The following ASIC2 variants were observed in gnomAD, a reference collection of about 807,000 sequenced individuals.
ASIC2 encodes acid-sensing ion channel 2.
ASIC2 carries 25 observed loss-of-function variants against 57.3 expected under a neutral mutation model. The observed-to-expected ratio is 0.44, with a 90% CI of 0.32 to 0.61. The LOEUF is 0.61. Among genes scored for constraint, ASIC2 ranks in the 20% least tolerant of loss-of-function variants. The pLI is 0.06. For synonymous variants in ASIC2, 319 were observed against 307.5 expected (o/e 1.04, Z -0.39); for missense variants, 641 against 738.1 (o/e 0.87, Z 1.52).
chr17:33,364,674 C>G (rs533999982), intron 1 of ASIC2, among the ~76,000 whole-genome samples: 32 of 152,304 alleles, frequency 2.1e-4, no homozygotes, highest in African/African-American at 6.3e-4. Context: ...TGAGGCCTCC[C>G]CAGCCATGCT....
chr17:33,126,606 G>A (rs1372176075), intron 1 of ASIC2, among the ~76,000 whole-genome samples: 3 of 152,118 alleles, frequency 2.0e-5, no homozygotes, highest in African/African-American at 7.2e-5. Flanking sequence ...ACAAGATGGC[G>A]AGATCCCATC....
chr17:34,112,153 G>C lies in ASIC2; in HGVS notation c.555+43825C>G, dbSNP rs148748125. The stretch of plus-strand genomic sequence containing the variant: ...AGAATAATATATTCAGAATAGAAGA[G>C]ACCAAAATCTGAATGCTATCTCTTC... On this transcript the variant is annotated intron_variant, in intron 1 of 9. Transcript: ENST00000359872. 4.6e-5 allele frequency among the ~76,000 whole-genome samples: 7 copies of C among 152,236 alleles called. No homozygotes were observed. In the East Asian group the frequency reaches 1.4e-3, roughly 29 times the overall value.
At chr17:33,595,935 A>G (rs992672767) in intron 1 of ASIC2, among the ~76,000 whole-genome samples, 2 of 152,154 alleles carry the variant, frequency 1.3e-5, no homozygotes, top group Admixed American at 1.3e-4. Context: ...TGCAAGCTAA[A>G]TAGTTCCTCC....
In ASIC2 at chr17:33,032,440, G is replaced by GTTTTTTTTTT. The variant is rs60183644; in HGVS notation, c.988-4058_988-4049dup. 1.1e-4 allele frequency among the ~76,000 whole-genome samples: 10 copies of GTTTTTTTTTT among 94,116 alleles called. 1 individual carries two copies. Among genetic ancestry groups the GTTTTTTTTTT allele is most frequent in the African/African-American group, 2.3e-4 (5 of 21,324 alleles). The allele number at this position is 94,116 out of a possible 152,430, so 61.7% of individuals were successfully genotyped here. ...TCTGTTATAAGCACTATAATACACTGTTTTTTTTTTTTTTTTTTTTTTTTT... is the reference window on the plus strand; with the variant it reads ...TCTGTTATAAGCACTATAATACACTGTTTTTTTTTTTTTTTTTTTTTTTTTTTTTTTTTTT... On this transcript the variant is annotated intron_variant, in intron 3 of 9. Transcript: ENST00000225823.
chr17:34,015,158 C>T (rs1906906906), intron 1 of ASIC2, among the ~76,000 whole-genome samples: 1 of 150,972 alleles, frequency 6.6e-6, no homozygotes, highest in South Asian at 2.1e-4. Context: ...ATCTATCTGC[C>T]TTGGCCTCCC....
At chr17:33,099,566 TGGAG>T (rs2092202573) in intron 2 of ASIC2, among the ~76,000 whole-genome samples, 1 of 152,190 alleles carries the variant, frequency 6.6e-6, no homozygotes, top group Non-Finnish European at 1.5e-5. Flanking sequence ...GCACCGTGTG[TGGAG>T]TTGGGGGTAG....
chr17:33,021,571 C>A (rs774870978), intron 6 of ASIC2, among the ~76,000 whole-genome samples: 4 of 152,244 alleles, frequency 2.6e-5, no homozygotes, highest in Non-Finnish European at 5.9e-5. Context: ...GCACCCTATG[C>A]AGGAGTCCTG....
At chr17:33,854,104 G>T (rs1035608532) in intron 1 of ASIC2, among the ~76,000 whole-genome samples, 1 of 152,194 alleles carries the variant, frequency 6.6e-6, no homozygotes, top group East Asian at 1.9e-4. Flanking sequence ...ATTGCAGATT[G>T]TCCGCCCCAG....
intron 1 of ASIC2, among the ~76,000 whole-genome samples, chr17:34,124,697 T>C (rs943155568): frequency 3.3e-5 from 5 of 152,226 alleles, no homozygotes; most frequent in African/African-American, 1.2e-4. Flanking sequence ...CAGGCTCTTC[T>C]TGGGGGCCCC....
intron 1 of ASIC2, among the ~76,000 whole-genome samples, chr17:33,620,250 A>C (rs1464158257): frequency 4.6e-5 from 7 of 151,692 alleles, no homozygotes; most frequent in South Asian, 2.1e-4. Context: ...GAAAAAAAAA[A>C]AAAAAAAAAA....
intron 1 of ASIC2, among the ~76,000 whole-genome samples, chr17:33,631,716 G>T (rs953068109): frequency 6.6e-6 from 1 of 152,122 alleles, no homozygotes; most frequent in Admixed American, 6.5e-5. Context: ...GGGAGTCAAA[G>T]TCTGAGAGTC....
intron 1 of ASIC2, among the ~76,000 whole-genome samples, chr17:33,302,014 G>T (rs989034050): frequency 3.9e-5 from 6 of 152,222 alleles, no homozygotes; most frequent in African/African-American, 1.4e-4. Context: ...CAGGGGTTTG[G>T]TGTTCCTGAA....
At chr17:33,256,500 A>G (rs1909080523) in intron 1 of ASIC2, among the ~76,000 whole-genome samples, 1 of 152,162 alleles carries the variant, frequency 6.6e-6, no homozygotes, top group Non-Finnish European at 1.5e-5. Flanking sequence ...GACTTTCATG[A>G]TAATAGAGAA....
chr17:33,719,018 CTTG>C (rs1233933266), intron 1 of ASIC2, among the ~76,000 whole-genome samples: 1 of 152,194 alleles, frequency 6.6e-6, no homozygotes, highest in Non-Finnish European at 1.5e-5. Context: ...GGACAGAGCC[CTTG>C]TTGTTCAGCA....
chr17:33,017,765 C>A (rs1253901762), intron 7 of ASIC2, 81 bp from the exon 8 acceptor site: 2 of 1,344,250 alleles, frequency 1.5e-6, no homozygotes, highest in South Asian at 1.3e-5. Flanking sequence ...GCAACCCAGA[C>A]CTTCTGAATG....
chr17:33,192,101 C>T lies in ASIC2; in HGVS notation c.709-80034G>A, dbSNP rs187259797. ...AAATATATTATAAGCAGAAGCTATA[C>T]ATGGATTCAAAAGAGTGCTTGGACA... On this transcript the variant is annotated intron_variant, in intron 1 of 9. Transcript: ENST00000225823. 3.3e-4 allele frequency among the ~76,000 whole-genome samples: 50 copies of T among 152,244 alleles called. No homozygotes were observed. The East Asian group carries it at 4.6e-3, about 14-fold the overall frequency.
intron 1 of ASIC2, among the ~76,000 whole-genome samples, chr17:33,734,262 G>C (rs1290090449): frequency 6.6e-6 from 1 of 150,794 alleles, no homozygotes; most frequent in Admixed American, 6.6e-5. Context: ...TCCTGTGTGT[G>C]GCCAGCCCTT....
intron 1 of ASIC2, among the ~76,000 whole-genome samples, chr17:33,785,849 G>C (rs1873474): frequency 0.064 from 9,778 of 152,214 alleles, 460 homozygotes; most frequent in East Asian, 0.22. Context: ...CAAGACCAGG[G>C]GAGGCAGAAG....
intron 1 of ASIC2, among the ~76,000 whole-genome samples, chr17:33,370,395 G>T (rs970848040): frequency 6.6e-6 from 1 of 152,228 alleles, no homozygotes; most frequent in Non-Finnish European, 1.5e-5. Flanking sequence ...CAACAAATTA[G>T]CCTAGAACAT....
Sources: allele counts gnomAD v4.1 joint callset (sites outside exome capture counted in the v4.1 genomes callset), GRCh38; gene constraint gnomAD v4.1.1; transcripts MANE v1.5; gene names NCBI Gene and HGNC (gene_info 2026-07-23, HGNC 2026-07-21).